The following GGACT variants were observed in gnomAD, a reference collection of about 807,000 sequenced individuals.
GGACT encodes the protein gamma-glutamylamine cyclotransferase.
For missense variants in GGACT, 241 were observed against 233.2 expected, an observed-to-expected ratio of 1.03 and a Z score of -0.22; for synonymous variants, 118 against 115.3, an observed-to-expected ratio of 1.02 and a Z score of -0.15.
At chr13:100,532,876 G>A (rs1326682931) in intron 2 of GGACT, among the ~76,000 whole-genome samples, 1 of 152,238 alleles carries the variant, frequency 6.6e-6, no homozygotes, top group Non-Finnish European at 1.5e-5. Flanking sequence ...GCTCTAACCT[G>A]TGGGCATGGT....
chr13:100,573,465 TTC>T (rs1460897575), intron 2 of GGACT, among the ~76,000 whole-genome samples: 19 of 152,328 alleles, frequency 1.2e-4, no homozygotes, highest in African/African-American at 4.6e-4. Flanking sequence ...CCTTTACTAT[TTC>T]TGATTTATTC....
chr13:100,541,880 T>C (rs1483544396), intron 2 of GGACT: 1 of 152,268 alleles, frequency 6.6e-6, no homozygotes, highest in Non-Finnish European at 1.5e-5. Flanking sequence ...TTCTACATTT[T>C]ATGTATTGAG....
intron 2 of GGACT, among the ~76,000 whole-genome samples, chr13:100,554,832 G>A (rs908222276): frequency 6.6e-5 from 10 of 152,152 alleles, no homozygotes; most frequent in Non-Finnish European, 1.3e-4. Flanking sequence ...AAACGAGAGA[G>A]AGAGAAAAGA....
In GGACT at chr13:100,531,540, C is replaced by CTAA. The variant is rs1339569372; in HGVS notation, c.*589_*590insTTA. The CTAA allele has an allele frequency of 3.3e-5, 5 of 152,210 alleles. No homozygotes were observed. Among genetic ancestry groups the CTAA allele is most frequent in the African/African-American group, 1.2e-4 (5 of 41,436 alleles). 9.4% of individuals were successfully genotyped at this position (152,210 alleles called of 1,614,324 possible). ...AAAAACGTGGGGGTCAAACACAGTA[C>CTAA]CAACACTTTTATATCTGATTTCCCA... On this transcript the variant is annotated 3_prime_UTR_variant, in exon 3 of 3. Coordinates refer to ENST00000683975, the MANE Select transcript of GGACT (RefSeq NM_001195087.2).
At chr13:100,539,884 T>C in intron 2 of GGACT, 1 of 1,016,142 alleles carries the variant, frequency 9.8e-7, no homozygotes, top group Non-Finnish European at 1.5e-6. Flanking sequence ...GTCTTCAGTC[T>C]TTAAGAACTC....
rs924623743 is a variant in GGACT at position 100,545,195 on chromosome 13, A to C, written c.-10-12594T>G. Among the ~76,000 whole-genome samples the C allele has an allele frequency of 1.3e-5, 2 of 152,208 alleles. No homozygotes were observed. The highest frequency in any genetic ancestry group is 2.9e-5 in the Non-Finnish European group (2 of 68,032). On this transcript the variant is annotated intron_variant, in intron 2 of 2. Coordinates refer to ENST00000683975, the MANE Select transcript of GGACT (RefSeq NM_001195087.2). The surrounding 1 kb of genome is among the most constrained non-coding windows in gnomAD (Gnocchi z 4.4). ...CTCACGGGGGATCAACGCCACCCCCAAGGGAGAGCCCTGACTCCATGCCCA... is the reference window on the plus strand; with the variant it reads ...CTCACGGGGGATCAACGCCACCCCCCAGGGAGAGCCCTGACTCCATGCCCA...
intron 2 of GGACT, among the ~76,000 whole-genome samples, chr13:100,566,803 A>G (rs1260713581): frequency 6.6e-6 from 1 of 152,232 alleles, no homozygotes; most frequent in Non-Finnish European, 1.5e-5. Flanking sequence ...TTTGTGACTA[A>G]GTTTACCACC....
chr13:100,546,170 C>CTAACATGGTG (rs2088601648), intron 2 of GGACT, among the ~76,000 whole-genome samples: 1 of 151,942 alleles, frequency 6.6e-6, no homozygotes, highest in Admixed American at 6.5e-5. Context: ...ACTATCCTAG[C>CTAACATGGTG]TAACATGGTG....
chr13:100,571,990 T>C (rs1031155790), intron 2 of GGACT, among the ~76,000 whole-genome samples: 4 of 152,214 alleles, frequency 2.6e-5, no homozygotes, highest in Admixed American at 2.0e-4. Flanking sequence ...TCTGGTATGG[T>C]TGACTGGTGT....
At chr13:100,536,289 C>T (rs565765825) in intron 2 of GGACT, 47 of 152,220 alleles carry the variant, frequency 3.1e-4, no homozygotes, top group African/African-American at 1.1e-3. Flanking sequence ...TGCTCCTTAT[C>T]CTGGATCACG....
chr13:100,547,415 C>CCTATCTGTGCACTTAAT (rs1439401031), intron 2 of GGACT, among the ~76,000 whole-genome samples: 1 of 152,224 alleles, frequency 6.6e-6, no homozygotes, highest in African/African-American at 2.4e-5. Flanking sequence ...AAATCATTGA[C>CCTATCTGTGCACTTAAT]CTATCTGTGC....
chr13:100,581,577 G>A (rs1875417915), intron 2 of GGACT, among the ~76,000 whole-genome samples: 1 of 152,190 alleles, frequency 6.6e-6, no homozygotes, highest in Middle Eastern at 3.2e-3. Context: ...TAACCCTCCT[G>A]CACGGAAGAA....
intron 2 of GGACT, among the ~76,000 whole-genome samples, chr13:100,540,682 T>A (rs540844015): frequency 1.2e-4 from 19 of 152,358 alleles, no homozygotes; most frequent in Non-Finnish European, 2.5e-4. Context: ...TGTTTGTTGT[T>A]TTTTGAGCTT....
rs1476133232 is a variant in GGACT, at chr13:100,530,971, A to AATT, written c.*1156_*1158dup. On this transcript the variant is annotated 3_prime_UTR_variant, in exon 3 of 3. Transcript: ENST00000683975. ...TGTGTTTTTTGTGAAGCAAGTTTCC[A>AATT]ATTAAGCAAAAGAAGCTAAAAATAA... The AATT allele has an allele frequency of 2.0e-5, 3 of 151,670 alleles. No individual in the cohort carries two copies. In the East Asian group the frequency reaches 5.8e-4, roughly 29 times the overall value. The allele number at this position is 151,670 out of a possible 1,614,324, so 9.4% of individuals were successfully genotyped here. A position where few individuals can be genotyped will look rare whatever the true frequency, so the allele number is the denominator to read the frequency against.
chr13:100,571,084 G>A (rs952367085), intron 2 of GGACT, among the ~76,000 whole-genome samples: 2 of 152,164 alleles, frequency 1.3e-5, no homozygotes, highest in African/African-American at 4.8e-5. Flanking sequence ...AAGAGACAGG[G>A]AAGCAGAGAG....
Position 100,531,174 on chromosome 13 carries a change from C to T in GGACT, c.*956G>A, listed in dbSNP as rs565586583. 1 of 152,198 alleles carries T rather than the reference C, an allele frequency of 6.6e-6. No individual in the cohort carries two copies. Among genetic ancestry groups the T allele is most frequent in the African/African-American group, 2.4e-5 (1 of 41,444 alleles). 9.4% of individuals were successfully genotyped at this position (152,198 alleles called of 1,614,324 possible). On this transcript the variant is annotated 3_prime_UTR_variant, in exon 3 of 3. Coordinates refer to ENST00000683975, the MANE Select transcript of GGACT (RefSeq NM_001195087.2). ...TTTGCTGGGAAGCAGAAGCAAGAGC[C>T]GTGCACCGAGTTGAATCGATGCTGA...
intron 2 of GGACT, among the ~76,000 whole-genome samples, chr13:100,560,849 A>G (rs1246244164): frequency 1.3e-5 from 2 of 152,254 alleles, no homozygotes; most frequent in African/African-American, 2.4e-5. Flanking sequence ...CTAAAGAACC[A>G]GGACACATGC....
chr13:100,576,038 T>C (rs1044796821), intron 2 of GGACT, among the ~76,000 whole-genome samples: 1 of 152,236 alleles, frequency 6.6e-6, no homozygotes, highest in South Asian at 2.1e-4. Context: ...TGTAATACTT[T>C]GCCAAATATA....
intron 2 of GGACT, among the ~76,000 whole-genome samples, chr13:100,564,752 T>G (rs1234574093): frequency 6.6e-6 from 1 of 152,188 alleles, no homozygotes; most frequent in Non-Finnish European, 1.5e-5. Flanking sequence ...TAAATTACAT[T>G]TTTTACTTTC....
Sources: allele counts gnomAD v4.1 joint callset (sites outside exome capture counted in the v4.1 genomes callset), GRCh38; gene constraint gnomAD v4.1.1; non-coding constraint Gnocchi (gnomAD v3.1); transcripts MANE v1.5; gene names NCBI Gene and HGNC (gene_info 2026-07-23, HGNC 2026-07-21).